Variants in FAM171B observed in about 807,000 individuals in gnomAD.
The protein encoded by FAM171B is family with sequence similarity 171 member B, also known as protein FAM171B.
In FAM171B, 19 loss-of-function variants were observed where a neutral mutation model predicts 75.6. That is an observed-to-expected ratio of 0.25 (90% confidence interval 0.18 to 0.37). The LOEUF is 0.37. FAM171B is among the 10% of genes least tolerant of loss of function. The pLI is 1.00. For missense variants in FAM171B, 848 were observed against 982.4 expected (o/e 0.86, Z 1.83); for synonymous variants, 367 against 361.7 (o/e 1.01, Z -0.17).
At chr2:186,709,036 C>G (rs766209869) in intron 1 of FAM171B, among the ~76,000 whole-genome samples, 1 of 152,040 alleles carries the variant, frequency 6.6e-6, no homozygotes, top group Non-Finnish European at 1.5e-5. Flanking sequence ...CAGGGAGCTT[C>G]CAGTCATAGT....
intron 3 of FAM171B, among the ~76,000 whole-genome samples, chr2:186,746,104 G>A (rs1574110137): frequency 6.6e-6 from 1 of 152,142 alleles, no homozygotes; most frequent in East Asian, 1.9e-4. Context: ...CAAAGCAAAA[G>A]CTGATGTTTC....
At chr2:186,733,590 C>G (rs989903998) in intron 1 of FAM171B, among the ~76,000 whole-genome samples, 7 of 152,168 alleles carry the variant, frequency 4.6e-5, no homozygotes, top group Admixed American at 4.6e-4. Context: ...TGGCCTGGAT[C>G]CCATGCCTGC....
chr2:186,718,924 C>A (rs1290283562), intron 1 of FAM171B, among the ~76,000 whole-genome samples: 8 of 152,158 alleles, frequency 5.3e-5, no homozygotes, highest in Non-Finnish European at 1.0e-4. Flanking sequence ...AACTTCCAGG[C>A]CTTCCTGGCA....
At position 186,740,391 on chromosome 2, in the gene FAM171B, T is replaced by C; in HGVS notation, c.402T>C (p.Ser134=). 1 of 1,614,086 alleles carries C rather than the reference T, an allele frequency of 6.2e-7. No individual in the cohort carries two copies. Among genetic ancestry groups the C allele is most frequent in the Non-Finnish European group, 8.5e-7 (1 of 1,179,968 alleles). ...AAGTACCCTACAAATTAGGACTTAG[T>C]TTAACTATTATTGCTTACAAAGATG... is the stretch of plus-strand genomic sequence containing the variant. ...LIKVPYKLGL[S]LTIIAYKDGY... is the part of the protein sequence containing the mutation. The change falls in exon 2 of 8, where the codon AGT becomes AGC. Residue 134 remains serine (S), a synonymous_variant. Transcript: ENST00000304698.
Position 186,753,913 on chromosome 2 carries a change from T to C in FAM171B, c.896-20T>C. ...TCTTAAGATATAACTGTAACAAGTATTTTTTACATACCTTTTTAGGTGCTT... is the reference window on the plus strand; with the variant it reads ...TCTTAAGATATAACTGTAACAAGTACTTTTTACATACCTTTTTAGGTGCTT... On this transcript the variant is annotated intron_variant, in intron 5 of 7. Coordinates refer to ENST00000304698, the MANE Select transcript of FAM171B (RefSeq NM_177454.4). The C allele has an allele frequency of 3.8e-6, 6 of 1,590,442 alleles. No homozygotes were observed.
chr2:186,762,534 A>G lies in FAM171B; in HGVS notation c.2192A>G (p.His731Arg), dbSNP rs1690634356. The part of the protein sequence containing the change: ...EREKTFIKSM[H>R]QPKILYLEDL... ...GAGAAAACATTCATCAAAAGCATGC[A>G]TCAGCCCAAGATCCTTTACTTAGAA... The change falls in exon 8 of 8, where the codon CAT becomes CGT. Residue 731 changes from histidine (H) to arginine (R), a missense_variant. Transcript: ENST00000304698. The surrounding 1 kb of genome is among the most constrained non-coding windows in gnomAD (Gnocchi z 4.0). The G allele has an allele frequency of 1.2e-6, 2 of 1,613,550 alleles. No homozygotes were observed. Among genetic ancestry groups the G allele is most frequent in the African/African-American group, 1.3e-5 (1 of 74,852 alleles).
At chr2:186,742,604 G>A (rs1245577489) in intron 2 of FAM171B, among the ~76,000 whole-genome samples, 2 of 151,858 alleles carry the variant, frequency 1.3e-5, no homozygotes, top group African/African-American at 4.8e-5. Flanking sequence ...ATGCAACTGT[G>A]TTTTCTCTTA....
intron 1 of FAM171B, among the ~76,000 whole-genome samples, chr2:186,736,382 A>T (rs193177129): frequency 1.3e-5 from 2 of 152,210 alleles, no homozygotes; most frequent in Non-Finnish European, 2.9e-5. Context: ...AATAAAGAAA[A>T]CAACATTATC....
At chr2:186,740,176 C>T in intron 1 of FAM171B, 52 bp from the exon 2 acceptor site, 1 of 1,285,466 alleles carries the variant, frequency 7.8e-7, no homozygotes, top group Non-Finnish European at 1.1e-6. Context: ...AAGACTATGA[C>T]ATATGCATTC....
chr2:186,732,100 T>C (rs760255520), intron 1 of FAM171B, among the ~76,000 whole-genome samples: 1 of 152,042 alleles, frequency 6.6e-6, no homozygotes, highest in African/African-American at 2.4e-5. Flanking sequence ...CATGAAAAAA[T>C]TGTCTTCTCT....
At chr2:186,750,055 G>A (rs1186492023) in intron 4 of FAM171B, among the ~76,000 whole-genome samples, 1 of 152,120 alleles carries the variant, frequency 6.6e-6, no homozygotes, top group Admixed American at 6.6e-5. Flanking sequence ...CATGGTGCTG[G>A]TAGGGACTTT....
chr2:186,751,491 A>T (rs1690454216), intron 5 of FAM171B, among the ~76,000 whole-genome samples, 187 bp downstream of exon 5: 1 of 152,206 alleles, frequency 6.6e-6, no homozygotes, highest in Non-Finnish European at 1.5e-5. Context: ...ATGGGAATAC[A>T]CATGTCAAAA....
At chr2:186,745,716 T>A (rs1683794019) in intron 3 of FAM171B, among the ~76,000 whole-genome samples, 1 of 152,192 alleles carries the variant, frequency 6.6e-6, no homozygotes, top group African/African-American at 2.4e-5. Context: ...ACTAGAAAAT[T>A]TAGGAATGTA....
At chr2:186,740,170 CTA>C in intron 1 of FAM171B, 56 bp from the exon 2 acceptor site, 2 of 1,238,294 alleles carry the variant, frequency 1.6e-6, no homozygotes, top group African/African-American at 1.5e-5. Flanking sequence ...CATTTAAAGA[CTA>C]TGACATATGC....
At chr2:186,717,338 G>T (rs2105777417) in intron 1 of FAM171B, among the ~76,000 whole-genome samples, 1 of 152,340 alleles carries the variant, frequency 6.6e-6, no homozygotes, top group East Asian at 1.9e-4. Context: ...GCTTTTCTTT[G>T]TTGGGGGCGC....
At chr2:186,747,999 T>C (rs1453068999) in intron 4 of FAM171B, among the ~76,000 whole-genome samples, 1 of 152,204 alleles carries the variant, frequency 6.6e-6, no homozygotes, top group Non-Finnish European at 1.5e-5. Context: ...TTTGGTTCAC[T>C]GCAGCCTTAA....
chr2:186,743,131 A>C (rs1457026407), intron 2 of FAM171B, among the ~76,000 whole-genome samples: 2 of 152,126 alleles, frequency 1.3e-5, no homozygotes, highest in Non-Finnish European at 2.9e-5. Context: ...AATCTTAATA[A>C]GTAAAAATTA....
At chr2:186,759,934 CT>C (rs1476291417) in intron 6 of FAM171B, among the ~76,000 whole-genome samples, 2 of 152,102 alleles carry the variant, frequency 1.3e-5, no homozygotes, top group East Asian at 3.9e-4. Context: ...AGATTTAAGT[CT>C]TTAATCTATT....
chr2:186,743,149 TATATC>T lies in FAM171B; in HGVS notation c.473-332_473-328del, dbSNP rs147842049. Among the ~76,000 whole-genome samples the T allele has an allele frequency of 4.6e-3, 705 of 152,072 alleles. 40 individuals are homozygous for T. The East Asian group carries it at 0.11, about 25-fold the overall frequency. On this transcript the variant is annotated intron_variant, in intron 2 of 7. Transcript: ENST00000304698. ...CTTAATAAGTAAAAATTAGAGAAAA[TATATC>T]AGGGAGTTATTCAAGCATTTAACTT...
Sources: allele counts gnomAD v4.1 joint callset (sites outside exome capture counted in the v4.1 genomes callset), GRCh38; gene constraint gnomAD v4.1.1; non-coding constraint Gnocchi (gnomAD v3.1); transcripts MANE v1.5; gene names NCBI Gene and HGNC (gene_info 2026-07-23, HGNC 2026-07-21).